ZNF649: variants seen among roughly 807,000 people sequenced by gnomAD.
ZNF649 encodes the protein zinc finger protein 649.
In ZNF649, 7 loss-of-function variants were observed where a neutral mutation model predicts 14.1. The observed-to-expected ratio is 0.49, with a 90% CI of 0.28 to 0.93. ZNF649 has a LOEUF of 0.93. ZNF649 is among the 40% of genes least tolerant of loss of function. The pLI, the probability that ZNF649 is intolerant of heterozygous loss-of-function variation, is 0.10. For missense variants in ZNF649, 544 were observed against 608.1 expected (o/e 0.89, Z 1.11); for synonymous variants, 227 against 212.3 (o/e 1.07, Z -0.60).
At chr19:51,900,498 A>T (rs1317765755) in intron 1 of ZNF649, 1 of 185,724 alleles carries the variant, frequency 5.4e-6, no homozygotes, top group African/African-American at 2.3e-5. Context: ...CTTAACCAGG[A>T]GCCGGCATAT....
At chr19:51,896,632 G>A in intron 3 of ZNF649, 65 bp from the exon 4 acceptor site, 1 of 1,567,076 alleles carries the variant, frequency 6.4e-7, no homozygotes, top group East Asian at 2.2e-5. Context: ...CTGATGATAG[G>A]AGAAAGGTAC....
chr19:51,892,131 T>A (rs145591498), intron 4 of ZNF649, among the ~76,000 whole-genome samples: 2,173 of 152,270 alleles, frequency 0.014, 50 homozygotes, highest in African/African-American at 0.05. Context: ...ATCCCAGCAC[T>A]TTGAGAGGCC....
intron 1 of ZNF649, among the ~76,000 whole-genome samples, chr19:51,901,796 A>T (rs1345626398): frequency 1.3e-5 from 2 of 152,080 alleles, no homozygotes; most frequent in Non-Finnish European, 2.9e-5. Flanking sequence ...TACAAAAATT[A>T]TTCAAGCATG....
intron 1 of ZNF649, chr19:51,900,502 G>A (rs1026351740): frequency 3.9e-5 from 7 of 180,952 alleles, no homozygotes; most frequent in Non-Finnish European, 6.8e-5. Flanking sequence ...ACCAGGAGCC[G>A]GCATATCTGG....
chr19:51,896,450 T>C, intron 4 of ZNF649, 22 bp downstream of exon 4: 1 of 1,608,752 alleles, frequency 6.2e-7, no homozygotes, highest in Non-Finnish European at 8.5e-7. Flanking sequence ...CCTTCCCCTC[T>C]TGCTGGTTCT....
rs762409940 is a variant in ZNF649, at chr19:51,891,316, T to C, written c.820A>G (p.Lys274Glu). The change falls in exon 5 of 5, where the codon AAA (lysine) becomes GAA (glutamate). Residue 274 changes from lysine to glutamate, a missense_variant. Coordinates refer to ENST00000354957, the MANE Select transcript of ZNF649 (RefSeq NM_023074.4). The surrounding 1 kb of genome is among the most constrained non-coding windows in gnomAD (Gnocchi z 4.2). Reference protein sequence around the residue: ...CSECGKAFPRKSELTEHQRIH... With the variant: ...CSECGKAFPRESELTEHQRIH... ...CTTTGATGTTCAGTAAGCTCAGATT[T>C]CCTGGGGAAGGCTTTCCCACATTCA... is the stretch of plus-strand genomic sequence containing the variant. 1 of 1,614,246 alleles carries C rather than the reference T, an allele frequency of 6.2e-7. No individual in the cohort carries two copies. Among genetic ancestry groups the C allele is most frequent in the South Asian group, 1.1e-5 (1 of 91,088 alleles).
At position 51,891,209 on chromosome 19, in the gene ZNF649, C is replaced by T; in HGVS notation, c.927G>A (p.Gln309=). 1 of 1,614,256 alleles carries T rather than the reference C, an allele frequency of 6.2e-7. No individual in the cohort carries two copies. Among genetic ancestry groups the T allele is most frequent in the Non-Finnish European group, 8.5e-7 (1 of 1,180,044 alleles). Residue 309 remains glutamine (Q), a synonymous_variant, in exon 5 of 5, where the codon CAG becomes CAA. Transcript: ENST00000354957. The surrounding 1 kb of genome is among the most constrained non-coding windows in gnomAD (Gnocchi z 4.2). The stretch of plus-strand genomic sequence containing the variant: ...GAGGCTTCTCTCCTGTATGAGTTCG[C>T]TGATGTACAACGAGTAGTGATTTTC... ...FSRKSLLVVH[Q]RTHTGEKPHT...
Position 51,890,862 on chromosome 19 carries a change from G to A in ZNF649, c.1274C>T (p.Thr425Met), listed in dbSNP as rs759358137. 24 of 1,614,104 alleles carry A rather than the reference G, an allele frequency of 1.5e-5. No homozygotes were observed. Among genetic ancestry groups the A allele is most frequent in the Middle Eastern group, 1.6e-4 (1 of 6,084 alleles). ...ATCACAGCCATAGGGTCTCTCTCCC[G>A]TGTGAGTTCTGTGATGTACAATGAG... is the stretch of plus-strand genomic sequence containing the variant. ...TMLIVHHRTH[T>M]GERPYGCDEC... Residue 425 changes from threonine to methionine, a missense_variant, in exon 5 of 5, where the codon ACG becomes ATG. By Grantham distance (81) the Thr-to-Met change is moderately conservative (BLOSUM62 -1). Coordinates refer to ENST00000354957, the MANE Select transcript of ZNF649 (RefSeq NM_023074.4).
intron 2 of ZNF649, among the ~76,000 whole-genome samples, chr19:51,897,905 C>A (rs903514075): frequency 6.6e-6 from 1 of 151,826 alleles, no homozygotes; most frequent in Non-Finnish European, 1.5e-5. Context: ...GCGGATCACC[C>A]GAGGTCAGGA....
chr19:51,898,055 G>A (rs1327772602), intron 2 of ZNF649, among the ~76,000 whole-genome samples: 5 of 138,440 alleles, frequency 3.6e-5, no homozygotes, highest in South Asian at 2.3e-4. Flanking sequence ...CGAAGATCAC[G>A]CCACTGCACT....
chr19:51,903,544 C>T lies in ZNF649; in HGVS notation c.-188+1370G>A, dbSNP rs188345550. Among the ~76,000 whole-genome samples, 7 of 152,244 alleles carry T rather than the reference C, an allele frequency of 4.6e-5. No homozygotes were observed. The East Asian group carries it at 1.4e-3, about 29-fold the overall frequency. On this transcript the variant is annotated intron_variant, in intron 1 of 4. Transcript: ENST00000354957. ...ATAAATCGTAACAATCATAGCTAGGCGCGATGGCTCATGCCTATAATCCCA... is the reference window on the plus strand; with the variant it reads ...ATAAATCGTAACAATCATAGCTAGGTGCGATGGCTCATGCCTATAATCCCA...
At chr19:51,896,590 GACTTAGGCTC>G in intron 3 of ZNF649, 23 bp from the exon 4 acceptor site, 1 of 1,611,500 alleles carries the variant, frequency 6.2e-7, no homozygotes, top group Non-Finnish European at 8.5e-7. Context: ...AATGGGAGAA[GACTTAGGCTC>G]ACTGAATTGC....
At position 51,891,966 on chromosome 19, in the gene ZNF649, G is replaced by C. The variant is rs547863433; in HGVS notation, c.239-69C>G. On this transcript the variant is annotated intron_variant, in intron 4 of 4. Coordinates refer to ENST00000354957, the MANE Select transcript of ZNF649 (RefSeq NM_023074.4). The surrounding 1 kb of genome is among the most constrained non-coding windows in gnomAD (Gnocchi z 4.2). The stretch of plus-strand genomic sequence containing the variant: ...ATAAAACTGCTTCAAAGATGCCTTG[G>C]GGTTGGCTGGCTTTTTACTGGAACC... The C allele has an allele frequency of 6.1e-6, 9 of 1,483,170 alleles. No homozygotes were observed. The Admixed American group carries it at 1.8e-4, about 30-fold the overall frequency. 91.9% of individuals were successfully genotyped at this position (1,483,170 alleles called of 1,614,324 possible). A position where few individuals can be genotyped will look rare whatever the true frequency, so the allele number is the denominator to read the frequency against.
chr19:51,903,012 G>C (rs1302740257), intron 1 of ZNF649, among the ~76,000 whole-genome samples: 2 of 152,164 alleles, frequency 1.3e-5, no homozygotes, highest in Non-Finnish European at 2.9e-5. Context: ...CCAAAGGTGA[G>C]TATTCTCAGG....
intron 1 of ZNF649, among the ~76,000 whole-genome samples, chr19:51,901,977 A>G (rs992301176): frequency 2.6e-5 from 4 of 151,438 alleles, no homozygotes; most frequent in African/African-American, 4.8e-5. Context: ...AAAAACCTAA[A>G]GAAAGAAGAA....
chr19:51,904,564 T>C (rs367759121), intron 1 of ZNF649, among the ~76,000 whole-genome samples: 166 of 151,482 alleles, frequency 1.1e-3, no homozygotes, highest in African/African-American at 3.9e-3. Flanking sequence ...CCTCGTACGC[T>C]GCCCAGCACC....
In ZNF649 at chr19:51,891,343, T is replaced by C; in HGVS notation, c.793A>G (p.Ser265Gly). The C allele has an allele frequency of 1.9e-6, 3 of 1,614,234 alleles. No homozygotes were observed. Among genetic ancestry groups the C allele is most frequent in the Admixed American group, 1.7e-5 (1 of 60,032 alleles). ...CTGGGGAAGGCTTTCCCACATTCAC[T>C]GCACCCGTATGGTTTCTCTCCTTTG... ...AHKGEKPYGC[S>G]ECGKAFPRKS... is the part of the protein sequence containing the mutation. The change falls in exon 5 of 5, where the codon AGT becomes GGT. Residue 265 changes from serine to glycine, a missense_variant. Ser to Gly is a moderately conservative substitution (Grantham distance 56). Coordinates refer to ENST00000354957, the MANE Select transcript of ZNF649 (RefSeq NM_023074.4). The surrounding 1 kb of genome is among the most constrained non-coding windows in gnomAD (Gnocchi z 4.2).
chr19:51,903,030 G>A (rs758443942), intron 1 of ZNF649, among the ~76,000 whole-genome samples: 20 of 152,090 alleles, frequency 1.3e-4, no homozygotes, highest in Non-Finnish European at 2.6e-4. Flanking sequence ...AGGGCAAATG[G>A]GAAAAGGAAT....
chr19:51,894,489 T>C (rs1209683029), intron 4 of ZNF649, among the ~76,000 whole-genome samples: 1 of 152,190 alleles, frequency 6.6e-6, no homozygotes, highest in Admixed American at 6.5e-5. Flanking sequence ...GTTCTACAAC[T>C]TCTTGTCATA....
Sources: gnomAD v4.1 joint callset for allele counts (sites outside exome capture counted in the v4.1 genomes callset) on GRCh38, gnomAD v4.1.1 for gene constraint, Gnocchi (gnomAD v3.1) non-coding constraint, MANE v1.5 for transcripts, NCBI Gene and HGNC (gene_info 2026-07-23, HGNC 2026-07-21) for gene names.